The following NR2C2 variants were observed in gnomAD, a reference collection of about 807,000 sequenced individuals.
NR2C2 encodes nuclear receptor subfamily 2 group C member 2.
A neutral mutation model predicts 62.9 loss-of-function variants in NR2C2; 6 were observed. The ratio of observed to expected loss-of-function variants is 0.10; its 90% CI spans 0.05 to 0.19. The LOEUF (loss-of-function observed/expected upper bound fraction) is 0.19, where lower values mean the gene tolerates loss of function less well. NR2C2 is among the 10% of genes least tolerant of loss of function. The pLI is 1.00. For missense variants in NR2C2, 479 were observed against 762.7 expected (o/e 0.63, Z 4.38); for synonymous variants, 272 against 273.8 (o/e 0.99, Z 0.07).
At chr3:15,012,696 A>T (rs566284307) in intron 2 of NR2C2, among the ~76,000 whole-genome samples, 4 of 152,198 alleles carry the variant, frequency 2.6e-5, no homozygotes, top group African/African-American at 9.6e-5. Flanking sequence ...CTGGAGGGAG[A>T]GGTGGCAGTG....
intron 11 of NR2C2, among the ~76,000 whole-genome samples, chr3:15,035,687 A>T (rs1220092464): frequency 6.6e-6 from 1 of 152,020 alleles, no homozygotes; most frequent in Non-Finnish European, 1.5e-5. Context: ...GGAGGTCAGG[A>T]CAGTCCAGCT....
intron 1 of NR2C2, among the ~76,000 whole-genome samples, chr3:14,996,908 C>T (rs1037226560): frequency 2.0e-5 from 3 of 152,144 alleles, no homozygotes; most frequent in African/African-American, 7.2e-5. Context: ...TTTCAGAGCC[C>T]AGGTCTGTCA....
At chr3:14,995,309 C>A (rs1262809448) in intron 1 of NR2C2, among the ~76,000 whole-genome samples, 1 of 144,128 alleles carries the variant, frequency 6.9e-6, no homozygotes, top group Non-Finnish European at 1.5e-5. Flanking sequence ...AGAACATTTT[C>A]TTTACCCCCT....
At chr3:15,007,553 C>T (rs1376403901) in intron 2 of NR2C2, among the ~76,000 whole-genome samples, 4 of 152,250 alleles carry the variant, frequency 2.6e-5, no homozygotes, top group Non-Finnish European at 5.9e-5. Flanking sequence ...TTGTGTATTG[C>T]CAGTCTCTTC....
chr3:15,004,779 G>C (rs1276890372), intron 2 of NR2C2, among the ~76,000 whole-genome samples: 1 of 152,150 alleles, frequency 6.6e-6, no homozygotes, highest in African/African-American at 2.4e-5. Flanking sequence ...TCACTTTGAT[G>C]CTCTGTTGTT....
At chr3:14,974,537 T>A (rs1048936126) in intron 1 of NR2C2, among the ~76,000 whole-genome samples, 3 of 152,136 alleles carry the variant, frequency 2.0e-5, no homozygotes, top group African/African-American at 4.8e-5. Context: ...TTTTTCCACT[T>A]ATTTATGTTG....
At chr3:14,957,692 A>G (rs1425139210) in intron 1 of NR2C2, among the ~76,000 whole-genome samples, 1 of 152,178 alleles carries the variant, frequency 6.6e-6, no homozygotes, top group Admixed American at 6.5e-5. Flanking sequence ...GAGGAAAAAC[A>G]CACTACTTTA....
At chr3:14,948,857 T>C (rs1439420208) in intron 1 of NR2C2, 2 of 152,186 alleles carry the variant, frequency 1.3e-5, no homozygotes, top group East Asian at 3.8e-4. Context: ...CTCAATTTTA[T>C]CGACTGTAAA....
chr3:15,029,224 C>T (rs1334881707), intron 8 of NR2C2, among the ~76,000 whole-genome samples: 4 of 151,668 alleles, frequency 2.6e-5, no homozygotes, highest in Non-Finnish European at 4.4e-5. Context: ...GGTTTACAGG[C>T]GTGCGCCACC....
At chr3:14,965,664 T>G (rs1256329192) in intron 1 of NR2C2, among the ~76,000 whole-genome samples, 3 of 151,614 alleles carry the variant, frequency 2.0e-5, no homozygotes, top group Non-Finnish European at 4.4e-5. Context: ...TTTGTTTTTG[T>G]TTTTGTTTTT....
intron 13 of NR2C2, among the ~76,000 whole-genome samples, chr3:15,040,823 G>T (rs2042239018): frequency 1.3e-5 from 2 of 152,194 alleles, no homozygotes. Flanking sequence ...TCCACACCCA[G>T]AATTTATACA....
chr3:14,989,985 C>T (rs1369570173), intron 1 of NR2C2, among the ~76,000 whole-genome samples: 1 of 150,484 alleles, frequency 6.6e-6, no homozygotes, highest in Admixed American at 6.6e-5. Flanking sequence ...ACCTGTAGTC[C>T]TGGCTACTCT....
intron 11 of NR2C2, among the ~76,000 whole-genome samples, chr3:15,036,750 G>C (rs1362464961): frequency 6.6e-6 from 1 of 152,188 alleles, no homozygotes; most frequent in Non-Finnish European, 1.5e-5. Flanking sequence ...TTGATATCTA[G>C]GAATGTGAGT....
intron 1 of NR2C2, among the ~76,000 whole-genome samples, chr3:14,984,361 A>G (rs61538203): frequency 0.019 from 2,957 of 151,814 alleles, 91 homozygotes; most frequent in African/African-American, 0.068. Flanking sequence ...CTATTTTGCT[A>G]TTCTTTTTAT....
At chr3:15,012,941 A>G (rs2041395670) in intron 2 of NR2C2, among the ~76,000 whole-genome samples, 1 of 152,184 alleles carries the variant, frequency 6.6e-6, no homozygotes, top group Non-Finnish European at 1.5e-5. Context: ...GTCAGTGCCC[A>G]CTTCCTTCGG....
intron 2 of NR2C2, among the ~76,000 whole-genome samples, chr3:15,009,214 CTCCG>C (rs2041281099): frequency 6.6e-6 from 1 of 152,182 alleles, no homozygotes; most frequent in Non-Finnish European, 1.5e-5. Flanking sequence ...AAGAGCGAAA[CTCCG>C]TCTCAAAAAT....
At chr3:14,992,861 T>C (rs1462802206) in intron 1 of NR2C2, among the ~76,000 whole-genome samples, 1 of 152,228 alleles carries the variant, frequency 6.6e-6, no homozygotes. Flanking sequence ...TTGAGTCCTT[T>C]GGACTGGCAG....
chr3:14,999,900 A>G (rs1258103412), intron 1 of NR2C2, among the ~76,000 whole-genome samples: 1 of 152,108 alleles, frequency 6.6e-6, no homozygotes, highest in Non-Finnish European at 1.5e-5. Context: ...TTTAAGTTAC[A>G]AATTGAGTTT....
chr3:14,978,288 A>C (rs1413041495), intron 1 of NR2C2, among the ~76,000 whole-genome samples: 1 of 152,184 alleles, frequency 6.6e-6, no homozygotes, highest in Non-Finnish European at 1.5e-5. Context: ...AGAACCTCAT[A>C]GCTTAGTCGA....
Sources: allele counts gnomAD v4.1 joint callset (sites outside exome capture counted in the v4.1 genomes callset), GRCh38; gene constraint gnomAD v4.1.1; transcripts MANE v1.5; gene names NCBI Gene and HGNC (gene_info 2026-07-23, HGNC 2026-07-21).